CFAP43: variants seen among roughly 807,000 people sequenced by gnomAD.
CFAP43 encodes cilia- and flagella-associated protein 43.
Under a neutral mutation model 218.9 loss-of-function variants are expected in CFAP43, and 155 were observed. The observed-to-expected ratio is 0.71, with a 90% CI of 0.62 to 0.81. The LOEUF is 0.81. CFAP43 is among the 30% of genes least tolerant of loss of function. CFAP43 has a pLI of 0.00. For synonymous variants in CFAP43, 645 were observed against 681.3 expected (o/e 0.95, Z 0.83); for missense variants, 1,778 against 1,954.3 (o/e 0.91, Z 1.70).
chr10:104,133,784 TC>T lies in CFAP43; in HGVS notation c.4432-1del, dbSNP rs1263191374. Reference sequence around the variant, plus strand: ...CTAGCAACTTTCTTTTGTCCTTGAGTCTTTAAAAAAGTACATTAGATATCCA... The same window carrying T: ...CTAGCAACTTTCTTTTGTCCTTGAGTTTTAAAAAAGTACATTAGATATCCA... On this transcript the variant is annotated splice_acceptor_variant, in intron 34 of 37. Coordinates refer to ENST00000357060, the MANE Select transcript of CFAP43 (RefSeq NM_025145.7). LOFTEE classifies it high-confidence loss of function. 5.6e-6 allele frequency: 9 copies of T among 1,600,814 alleles called. No homozygotes were observed. The highest frequency in any genetic ancestry group is 7.7e-6 in the Non-Finnish European group (9 of 1,175,420).
intron 11 of CFAP43, chr10:104,192,606 T>C (rs2134915255): frequency 3.3e-6 from 1 of 299,626 alleles, no homozygotes; most frequent in Non-Finnish European, 6.1e-6. Flanking sequence ...TCTTGATGTT[T>C]CAAGCGCAAA....
At position 104,187,301 on chromosome 10, in the gene CFAP43, C is replaced by G. The variant is rs1376500549; in HGVS notation, c.1860+19G>C. The G allele has an allele frequency of 6.3e-7, 1 of 1,582,782 alleles. No homozygotes were observed. Among genetic ancestry groups the G allele is most frequent in the Non-Finnish European group, 8.6e-7 (1 of 1,168,362 alleles). ...TTGATTGCTAAGATAAATGAGAGCA[C>G]ACTTAAGTGTTGACATACTTCTTCA... is the stretch of plus-strand genomic sequence containing the variant. On this transcript the variant is annotated intron_variant, in intron 14 of 37. Transcript: ENST00000357060.
chr10:104,151,422 T>C (rs1463725340), intron 28 of CFAP43, among the ~76,000 whole-genome samples: 1 of 152,216 alleles, frequency 6.6e-6, no homozygotes, highest in Non-Finnish European at 1.5e-5. Flanking sequence ...TTTTTACTCT[T>C]TAGTAGTAGC....
In CFAP43 at chr10:104,226,022, AT is replaced by A. The variant is rs2091296695; in HGVS notation, c.320-466del. Among the ~76,000 whole-genome samples the A allele has an allele frequency of 3.9e-5, 6 of 152,390 alleles. No individual in the cohort carries two copies. The South Asian group carries it at 1.2e-3, about 32-fold the overall frequency. ...ATATCTGCCAGCTTTTGGAACAGCT[AT>A]AAAAAGTGACATACTCCTTTGTACC... On this transcript the variant is annotated intron_variant, in intron 2 of 37. Coordinates refer to ENST00000357060, the MANE Select transcript of CFAP43 (RefSeq NM_025145.7).
intron 24 of CFAP43, among the ~76,000 whole-genome samples, 178 bp downstream of exon 24, chr10:104,163,916 A>G (rs757228510): frequency 2.2e-4 from 34 of 152,210 alleles, no homozygotes; most frequent in Non-Finnish European, 4.1e-4. Flanking sequence ...CCTGGACTCC[A>G]CAGGATTCGT....
chr10:104,232,357 A>C lies in CFAP43; in HGVS notation c.-111T>G. 1 of 1,113,372 alleles carries C rather than the reference A, an allele frequency of 9.0e-7. No individual in the cohort carries two copies. Among genetic ancestry groups the C allele is most frequent in the Non-Finnish European group, 1.2e-6 (1 of 817,396 alleles). The allele number at this position is 1,113,372 out of a possible 1,614,324, so 69.0% of individuals were successfully genotyped here. A position where few individuals can be genotyped will look rare whatever the true frequency, so the allele number is the denominator to read the frequency against. ...GGGCCGCGACGCCGCTGCTGTGTAC[A>C]CCCGTATCCCGGAGACCGTAAGCCC... On this transcript the variant is annotated 5_prime_UTR_variant, in exon 1 of 38. Transcript: ENST00000357060.
chr10:104,199,074 C>G (rs1284917749), intron 8 of CFAP43, among the ~76,000 whole-genome samples: 1 of 152,118 alleles, frequency 6.6e-6, no homozygotes, highest in Non-Finnish European at 1.5e-5. Context: ...TTAAGATGTA[C>G]TAAATCCTAC....
rs535732754 is a variant in CFAP43, at chr10:104,205,957, C to T, written c.963+6G>A. ...ACCAATTAATTTGAAAAAAAGAATA[C>T]ATTACAATTCCAGAAGCCAGCACGC... On this transcript the variant is annotated splice_donor_region_variant and intron_variant, in intron 7 of 37. Coordinates refer to ENST00000357060, the MANE Select transcript of CFAP43 (RefSeq NM_025145.7). 1.1e-5 allele frequency: 17 copies of T among 1,602,968 alleles called. No individual in the cohort carries two copies. The African/African-American group carries it at 2.2e-4, about 20-fold the overall frequency.
intron 10 of CFAP43, among the ~76,000 whole-genome samples, chr10:104,196,537 G>T (rs1291528355): frequency 6.6e-6 from 1 of 152,188 alleles, no homozygotes; most frequent in Non-Finnish European, 1.5e-5. Context: ...CTCCCTGAGA[G>T]ACTGTGCAAG....
In CFAP43 at chr10:104,197,795, T is replaced by C. The variant is rs186822208; in HGVS notation, c.1212+127A>G. 625 of 633,890 alleles carry C rather than the reference T, an allele frequency of 9.9e-4. 3 individuals are homozygous for C. The highest frequency in any genetic ancestry group is 3.3e-4 in the Non-Finnish European group (116 of 356,334). The allele number at this position is 633,890 out of a possible 1,614,324, so 39.3% of individuals were successfully genotyped here. The stretch of plus-strand genomic sequence containing the variant: ...CACCACAGTCTTCAAGGACAGCCTC[T>C]GCCTCCTGTTCGCATTGCTTTGCCC... On this transcript the variant is annotated intron_variant, in intron 9 of 37. Coordinates refer to ENST00000357060, the MANE Select transcript of CFAP43 (RefSeq NM_025145.7).
intron 27 of CFAP43, among the ~76,000 whole-genome samples, chr10:104,159,499 G>A (rs566870419): frequency 2.0e-5 from 3 of 152,222 alleles, no homozygotes; most frequent in South Asian, 4.1e-4. Flanking sequence ...AAACTGATGA[G>A]TAATGACATT....
At position 104,203,562 on chromosome 10, in the gene CFAP43, G is replaced by C. The variant is rs560540130; in HGVS notation, c.1095+110C>G. 70 of 1,045,034 alleles carry C rather than the reference G, an allele frequency of 6.7e-5. No homozygotes were observed. In the African/African-American group the frequency reaches 1.2e-3, roughly 17 times the overall value. 64.7% of individuals were successfully genotyped at this position (1,045,034 alleles called of 1,614,324 possible). A position where few individuals can be genotyped will look rare whatever the true frequency, so the allele number is the denominator to read the frequency against. On this transcript the variant is annotated intron_variant, in intron 8 of 37. Transcript: ENST00000357060. ...TTTTTCATTTACAACCTAGAGTCTTGACAAGTAGAGTACCACTGTGCAGCA... is the reference window on the plus strand; with the variant it reads ...TTTTTCATTTACAACCTAGAGTCTTCACAAGTAGAGTACCACTGTGCAGCA...
chr10:104,199,647 T>C (rs769634837), intron 8 of CFAP43, among the ~76,000 whole-genome samples: 1 of 152,196 alleles, frequency 6.6e-6, no homozygotes, highest in South Asian at 2.1e-4. Flanking sequence ...GAACATTATA[T>C]AGCAAAATAA....
chr10:104,230,627 G>A lies in CFAP43; in HGVS notation c.282C>T (p.Tyr94=), dbSNP rs369022064. 7.2e-5 allele frequency: 116 copies of A among 1,614,032 alleles called. No homozygotes were observed. Among genetic ancestry groups the A allele is most frequent in the African/African-American group, 1.3e-5 (1 of 74,918 alleles). ...DRKLKPLIYV[Y]SFPGLTRRTK... ...TCCTTCTGGTCAATCCTGGAAAGCT[G>A]TATACGTAGATGAGAGGTTTTAGCT... The change falls in exon 2 of 38, where the codon TAC becomes TAT. Residue 94 remains tyrosine, a synonymous_variant. Coordinates refer to ENST00000357060, the MANE Select transcript of CFAP43 (RefSeq NM_025145.7).
intron 31 of CFAP43, 114 bp downstream of exon 31, chr10:104,145,362 G>C (rs976746792): frequency 5.0e-6 from 3 of 600,472 alleles, no homozygotes; most frequent in Non-Finnish European, 8.5e-6. Flanking sequence ...CCACCTAAAA[G>C]ATATTACACT....
rs182049680 is a variant in CFAP43, at chr10:104,204,937, G to A, written c.963+1026C>T. ...GGCATGGAAAAACATGGTCTGGGCC[G>A]GGCGCAGTGGCTCACGCCTGTAATC... On this transcript the variant is annotated intron_variant, in intron 7 of 37. Transcript: ENST00000357060. 2.5e-3 allele frequency among the ~76,000 whole-genome samples: 383 copies of A among 152,254 alleles called. 1 individual carries two copies. The highest frequency in any genetic ancestry group is 8.3e-3 in the African/African-American group (346 of 41,554).
chr10:104,180,078 A>C, intron 17 of CFAP43, 146 bp from the exon 18 acceptor site: 1 of 652,608 alleles, frequency 1.5e-6, no homozygotes, highest in Admixed American at 2.7e-5. Context: ...TGTCTGCCCA[A>C]GATGTAACAT....
chr10:104,150,197 T>C (rs1347690893), intron 28 of CFAP43, among the ~76,000 whole-genome samples: 1 of 152,190 alleles, frequency 6.6e-6, no homozygotes, highest in African/African-American at 2.4e-5. Context: ...CTGTTGAATA[T>C]TTAGATTGTT....
intron 5 of CFAP43, among the ~76,000 whole-genome samples, chr10:104,211,051 A>G (rs2090846704): frequency 6.6e-6 from 1 of 151,854 alleles, no homozygotes. Flanking sequence ...TCGGCCTCCC[A>G]AAGGAAACAC....
Sources: allele counts gnomAD v4.1 joint callset (sites outside exome capture counted in the v4.1 genomes callset), GRCh38; gene constraint gnomAD v4.1.1; transcripts MANE v1.5; gene names NCBI Gene and HGNC (gene_info 2026-07-23, HGNC 2026-07-21).